The following CHCHD6 variants were observed in gnomAD, a reference collection of about 807,000 sequenced individuals.
The protein encoded by CHCHD6 is MICOS complex subunit MIC25.
A neutral mutation model predicts 32.3 loss-of-function variants in CHCHD6; 28 were observed. The observed-to-expected ratio is 0.87, with a 90% CI of 0.64 to 1.19. The LOEUF is 1.19. Among genes scored for constraint, CHCHD6 ranks in the 50% most tolerant of loss-of-function variants. The probability of loss-of-function intolerance (pLI) is 0.00; values close to 1 mark genes in which losing one functional copy is unlikely to be tolerated. For synonymous variants in CHCHD6, 122 were observed against 117.5 expected, an observed-to-expected ratio of 1.04 and a Z score of -0.25; for missense variants, 333 against 307.0, an observed-to-expected ratio of 1.08 and a Z score of -0.63.
chr3:126,809,751 C>A (rs1336780427), intron 4 of CHCHD6, among the ~76,000 whole-genome samples: 2 of 152,156 alleles, frequency 1.3e-5, no homozygotes, highest in Admixed American at 6.5e-5. Context: ...CTGCTGATTT[C>A]TTTGGGGCAT....
chr3:126,813,162 T>G (rs1031676073), intron 4 of CHCHD6, among the ~76,000 whole-genome samples: 5 of 152,188 alleles, frequency 3.3e-5, no homozygotes, highest in Non-Finnish European at 7.4e-5. Flanking sequence ...AAATTTTGAG[T>G]TCAGATCTTC....
chr3:126,899,483 A>C (rs2077890337), intron 5 of CHCHD6, among the ~76,000 whole-genome samples: 1 of 152,104 alleles, frequency 6.6e-6, no homozygotes, highest in Non-Finnish European at 1.5e-5. Context: ...TTTTCTATTC[A>C]TATAGCCCAC....
At chr3:126,721,739 C>G (rs968040748) in intron 1 of CHCHD6, among the ~76,000 whole-genome samples, 8 of 125,540 alleles carry the variant, frequency 6.4e-5, no homozygotes, top group East Asian at 5.6e-4. Context: ...TCCTACTTAC[C>G]CTGTAGCTAT....
intron 4 of CHCHD6, chr3:126,767,283 GC>G: frequency 8.2e-7 from 1 of 1,224,350 alleles, no homozygotes; most frequent in Non-Finnish European, 1.2e-6. Context: ...AGGCCCAGCT[GC>G]CCCATCTTGT....
At chr3:126,872,927 A>C (rs2077494951) in intron 5 of CHCHD6, among the ~76,000 whole-genome samples, 1 of 152,202 alleles carries the variant, frequency 6.6e-6, no homozygotes, top group South Asian at 2.1e-4. Flanking sequence ...TGCTTACGCA[A>C]GTTTCAGCAT....
chr3:126,904,916 T>G (rs1183080246), intron 5 of CHCHD6, among the ~76,000 whole-genome samples: 2 of 151,900 alleles, frequency 1.3e-5, no homozygotes, highest in Non-Finnish European at 2.9e-5. Context: ...AGGGGAAGGG[T>G]GGGGTGCCCT....
At chr3:126,917,105 T>G (rs564551758) in intron 6 of CHCHD6, among the ~76,000 whole-genome samples, 1 of 152,214 alleles carries the variant, frequency 6.6e-6, no homozygotes, top group African/African-American at 2.4e-5. Flanking sequence ...GAAAGCAAGG[T>G]GGGATGGATG....
At chr3:126,792,613 A>T (rs1001892722) in intron 4 of CHCHD6, among the ~76,000 whole-genome samples, 1 of 152,122 alleles carries the variant, frequency 6.6e-6, no homozygotes, top group African/African-American at 2.4e-5. Context: ...TTGTGGTCAG[A>T]TAACATATTT....
intron 4 of CHCHD6, among the ~76,000 whole-genome samples, chr3:126,803,404 G>C (rs1446210893): frequency 6.6e-6 from 1 of 152,000 alleles, no homozygotes; most frequent in Non-Finnish European, 1.5e-5. Context: ...AAAAAGGCAG[G>C]GGTTGCAATC....
intron 4 of CHCHD6, among the ~76,000 whole-genome samples, chr3:126,814,183 C>G (rs550082915): frequency 5.6e-4 from 85 of 152,288 alleles, no homozygotes; most frequent in South Asian, 2.5e-3. Flanking sequence ...ACGGAGAGAA[C>G]AGAGGGAAAG....
intron 5 of CHCHD6, among the ~76,000 whole-genome samples, chr3:126,873,100 T>C (rs931098078): frequency 2.2e-4 from 34 of 152,364 alleles, no homozygotes; most frequent in African/African-American, 8.2e-4. Context: ...ATGTTTCCAG[T>C]AGGCATTCCC....
At chr3:126,735,768 C>T (rs1260360528) in intron 4 of CHCHD6, among the ~76,000 whole-genome samples, 1 of 152,204 alleles carries the variant, frequency 6.6e-6, no homozygotes, top group Non-Finnish European at 1.5e-5. Context: ...CCATTGGTTT[C>T]TGTCTGGTCC....
chr3:126,716,857 T>C (rs962844153), intron 1 of CHCHD6, among the ~76,000 whole-genome samples: 14 of 151,948 alleles, frequency 9.2e-5, no homozygotes, highest in African/African-American at 3.4e-4. Context: ...GTCGGGGAAA[T>C]GCGTGCAGTC....
chr3:126,807,396 A>G (rs1939446758), intron 4 of CHCHD6, among the ~76,000 whole-genome samples: 1 of 152,142 alleles, frequency 6.6e-6, no homozygotes, highest in Non-Finnish European at 1.5e-5. Flanking sequence ...ACACTTAGAA[A>G]AAACCCATTA....
intron 4 of CHCHD6, among the ~76,000 whole-genome samples, chr3:126,736,963 T>C (rs1180150056): frequency 6.6e-6 from 1 of 152,240 alleles, no homozygotes; most frequent in Non-Finnish European, 1.5e-5. Flanking sequence ...ATTTACAACC[T>C]TGCCTGTTGC....
chr3:126,900,966 C>G (rs2077917537), intron 5 of CHCHD6, among the ~76,000 whole-genome samples: 1 of 152,088 alleles, frequency 6.6e-6, no homozygotes, highest in South Asian at 2.1e-4. Context: ...AAGGGGATGG[C>G]ACTAAGCCAT....
chr3:126,732,481 G>T (rs953794631), intron 3 of CHCHD6, among the ~76,000 whole-genome samples: 2 of 152,150 alleles, frequency 1.3e-5, no homozygotes, highest in African/African-American at 4.8e-5. Flanking sequence ...ATTTTCTAGT[G>T]ATGATGTCAT....
At chr3:126,920,121 C>G (rs965071554) in intron 6 of CHCHD6, among the ~76,000 whole-genome samples, 1 of 151,316 alleles carries the variant, frequency 6.6e-6, no homozygotes, top group South Asian at 2.1e-4. Flanking sequence ...TTCATTGATC[C>G]TCTTTATTGT....
At chr3:126,734,101 A>G (rs551153973) in intron 4 of CHCHD6, among the ~76,000 whole-genome samples, 5 of 152,334 alleles carry the variant, frequency 3.3e-5, no homozygotes, top group African/African-American at 1.2e-4. Context: ...TAACTTTCCT[A>G]GAAGCTCCTG....
Sources: allele counts gnomAD v4.1 joint callset (sites outside exome capture counted in the v4.1 genomes callset), GRCh38; gene constraint gnomAD v4.1.1; transcripts MANE v1.5; gene names NCBI Gene and HGNC (gene_info 2026-07-23, HGNC 2026-07-21).